The following PLCB1 variants were observed in gnomAD, a reference collection of about 807,000 sequenced individuals.
PLCB1 encodes 1-phosphatidylinositol 4,5-bisphosphate phosphodiesterase beta-1.
In PLCB1, 46 loss-of-function variants were observed where a neutral mutation model predicts 161.8. The ratio of observed to expected loss-of-function variants is 0.28; its 90% CI spans 0.22 to 0.36. The LOEUF (loss-of-function observed/expected upper bound fraction) is 0.36. Among genes scored for constraint, PLCB1 ranks in the 10% least tolerant of loss-of-function variants. The pLI, the probability that PLCB1 is intolerant of heterozygous loss-of-function variation, is 1.00. For synonymous variants in PLCB1, 517 were observed against 503.7 expected (o/e 1.03, Z -0.35); for missense variants, 1,016 against 1,472.5 (o/e 0.69, Z 5.07).
chr20:8,447,384 T>C (rs537147089), intron 3 of PLCB1, among the ~76,000 whole-genome samples: 1 of 152,350 alleles, frequency 6.6e-6, no homozygotes, highest in East Asian at 1.9e-4. Context: ...ATGGGAATAC[T>C]CATTAAGTGA....
At chr20:8,421,126 G>C (rs76519887) in intron 3 of PLCB1, among the ~76,000 whole-genome samples, 9,681 of 152,192 alleles carry the variant, frequency 0.064, 966 homozygotes, top group African/African-American at 0.21. Flanking sequence ...TGTGGAGAAA[G>C]TGAATTATAG....
rs11467115 is a variant in PLCB1 at position 8,541,562 on chromosome 20, GAGAAAGAAAGAAAGAAAGAA to G, written c.247-86705_247-86686del. Among the ~76,000 whole-genome samples, 20 of 114,426 alleles carry G rather than the reference GAGAAAGAAAGAAAGAAAGAA, an allele frequency of 1.7e-4. No individual in the cohort carries two copies. The East Asian group carries it at 2.9e-3, about 17-fold the overall frequency. The allele number at this position is 114,426 out of a possible 152,430, so 75.1% of individuals were successfully genotyped here. A position where few individuals can be genotyped will look rare whatever the true frequency, so the allele number is the denominator to read the frequency against. Reference sequence around the variant, plus strand: ...AAACCCAGATAATGAAAGGAAGAAAGAGAAAGAAAGAAAGAAAGAAAGAAAGAAAGAAAGAAAGAAAGAAA... The same window carrying G: ...AAACCCAGATAATGAAAGGAAGAAAGAGAAAGAAAGAAAGAAAGAAAGAAA... On this transcript the variant is annotated intron_variant, in intron 3 of 31. Coordinates refer to ENST00000338037, the MANE Select transcript of PLCB1 (RefSeq NM_015192.4).
At chr20:8,297,036 A>G (rs987099717) in intron 2 of PLCB1, among the ~76,000 whole-genome samples, 1 of 152,060 alleles carries the variant, frequency 6.6e-6, no homozygotes, top group African/African-American at 2.4e-5. Context: ...GTGTATATGT[A>G]TATATATACA....
At chr20:8,176,981 A>C (rs1227533183) in intron 2 of PLCB1, among the ~76,000 whole-genome samples, 1 of 152,110 alleles carries the variant, frequency 6.6e-6, no homozygotes, top group Non-Finnish European at 1.5e-5. Flanking sequence ...CTTCTCAGTA[A>C]TCAGTAGTAT....
At chr20:8,749,435 C>T (rs908095001) in intron 23 of PLCB1, among the ~76,000 whole-genome samples, 11 of 152,112 alleles carry the variant, frequency 7.2e-5, no homozygotes, top group African/African-American at 2.7e-4. Context: ...GAATTTGTCC[C>T]GCAAGTGATT....
chr20:8,460,749 A>C (rs1210639489), intron 3 of PLCB1, among the ~76,000 whole-genome samples: 2 of 152,182 alleles, frequency 1.3e-5, no homozygotes, highest in African/African-American at 4.8e-5. Flanking sequence ...AAAGCCCTTA[A>C]AGCTTTTTTC....
At chr20:8,827,375 G>A (rs6118331) in intron 31 of PLCB1, among the ~76,000 whole-genome samples, 97,943 of 152,016 alleles carry the variant, frequency 0.64, 31,914 homozygotes, top group East Asian at 0.77. Flanking sequence ...CCAGAGTTAT[G>A]GCTATATAAC....
chr20:8,586,025 A>G (rs1409535839), intron 3 of PLCB1, among the ~76,000 whole-genome samples: 1 of 152,238 alleles, frequency 6.6e-6, no homozygotes, highest in Non-Finnish European at 1.5e-5. Context: ...CCCAGATTCA[A>G]TAAATGCTCG....
chr20:8,203,948 T>G (rs952136424), intron 2 of PLCB1, among the ~76,000 whole-genome samples: 1 of 152,186 alleles, frequency 6.6e-6, no homozygotes, highest in Non-Finnish European at 1.5e-5. Context: ...CTTCCATCCC[T>G]TCTCTGTCTC....
At chr20:8,379,826 T>C (rs1987208768) in intron 3 of PLCB1, among the ~76,000 whole-genome samples, 1 of 152,228 alleles carries the variant, frequency 6.6e-6, no homozygotes, top group Admixed American at 6.5e-5. Flanking sequence ...TTTTTTCTTG[T>C]AAATTTGTTT....
At chr20:8,325,253 C>T (rs552386585) in intron 2 of PLCB1, among the ~76,000 whole-genome samples, 11 of 152,258 alleles carry the variant, frequency 7.2e-5, no homozygotes, top group African/African-American at 2.6e-4. Context: ...TCCAGGTCTT[C>T]CAGAAGGAGC....
chr20:8,731,282 A>G (rs775905022), intron 18 of PLCB1, among the ~76,000 whole-genome samples: 74 of 151,948 alleles, frequency 4.9e-4, no homozygotes, highest in Non-Finnish European at 9.7e-4. Flanking sequence ...AAATCAGAGT[A>G]ATTGGGATAT....
intron 3 of PLCB1, among the ~76,000 whole-genome samples, chr20:8,471,609 A>G (rs578086626): frequency 6.6e-6 from 1 of 152,154 alleles, no homozygotes; most frequent in Non-Finnish European, 1.5e-5. Context: ...AAGACTTGAG[A>G]CAGTTTGTGA....
chr20:8,728,490 A>G (rs369980817), intron 17 of PLCB1, among the ~76,000 whole-genome samples: 6 of 152,214 alleles, frequency 3.9e-5, no homozygotes, highest in African/African-American at 1.2e-4. Flanking sequence ...TCAATTATAA[A>G]GAGTACCACA....
chr20:8,880,706 A>G (rs79079973), intron 31 of PLCB1, among the ~76,000 whole-genome samples: 1,847 of 152,172 alleles, frequency 0.012, 43 homozygotes, highest in African/African-American at 0.043. Context: ...TCAGCTTCTT[A>G]GCTTCCCCCA....
intron 27 of PLCB1, among the ~76,000 whole-genome samples, chr20:8,780,580 C>G (rs1983167195): frequency 6.6e-6 from 1 of 152,182 alleles, no homozygotes; most frequent in Non-Finnish European, 1.5e-5. Context: ...ATCCTCATGT[C>G]TGTCCCACCA....
intron 7 of PLCB1, chr20:8,653,432 T>TC (rs1395198405): frequency 6.6e-6 from 1 of 151,990 alleles, no homozygotes; most frequent in Non-Finnish European, 1.5e-5. Flanking sequence ...CCAAATTAAG[T>TC]ATTCCGTTCA....
chr20:8,374,772 G>T (rs1338526063), intron 3 of PLCB1, among the ~76,000 whole-genome samples: 1 of 152,188 alleles, frequency 6.6e-6, no homozygotes, highest in East Asian at 1.9e-4. Flanking sequence ...AGGACAGATT[G>T]AGTGCAAGAC....
At chr20:8,336,767 T>C (rs1180410245) in intron 2 of PLCB1, among the ~76,000 whole-genome samples, 2 of 152,198 alleles carry the variant, frequency 1.3e-5, no homozygotes, top group Non-Finnish European at 2.9e-5. Flanking sequence ...TTAACTTTAT[T>C]ATTTTCTATG....
Sources: gnomAD v4.1 joint callset for allele counts (sites outside exome capture counted in the v4.1 genomes callset) on GRCh38, gnomAD v4.1.1 for gene constraint, MANE v1.5 for transcripts, NCBI Gene and HGNC (gene_info 2026-07-23, HGNC 2026-07-21) for gene names.